RPS15A: variants seen among roughly 807,000 people sequenced by gnomAD.
RPS15A encodes ribosomal protein S15a.
For missense variants in RPS15A, 62 were observed against 163.4 expected, an observed-to-expected ratio of 0.38 and a Z score of 3.38; for synonymous variants, 55 against 58.5, an observed-to-expected ratio of 0.94 and a Z score of 0.27.
intron 4 of RPS15A, 118 bp from the exon 5 acceptor site, chr16:18,783,220 G>A (rs1903992409): frequency 1.5e-6 from 1 of 654,594 alleles, no homozygotes; most frequent in Non-Finnish European, 2.7e-6. Context: ...GGGCACATAG[G>A]AACTGACAGT....
chr16:18,782,247 G>A lies in RPS15A; in HGVS notation c.*762C>T, dbSNP rs1193467279. On this transcript the variant is annotated 3_prime_UTR_variant, in exon 5 of 5. Transcript: ENST00000322989. ...GGGAAGCGGAGGTGCAGTGAGCCAAGATCATGCCACTGCACTCCAGCCTGT... is the reference window on the plus strand; with the variant it reads ...GGGAAGCGGAGGTGCAGTGAGCCAAAATCATGCCACTGCACTCCAGCCTGT... 1.0e-5 allele frequency: 1 copy of A among 97,736 alleles called. No individual in the cohort carries two copies. 6.1% of individuals were successfully genotyped at this position (97,736 alleles called of 1,614,324 possible).
At chr16:18,785,515 A>G (rs530885017) in intron 3 of RPS15A, 7 of 152,318 alleles carry the variant, frequency 4.6e-5, no homozygotes, top group African/African-American at 1.7e-4. Context: ...ACTACTGAAG[A>G]AAGTCCACTA....
At chr16:18,784,427 G>A (rs563332799) in intron 4 of RPS15A, 3 of 223,644 alleles carry the variant, frequency 1.3e-5, no homozygotes, top group Non-Finnish European at 2.6e-5. Context: ...TTGTATTTTA[G>A]GTAGACACGG....
intron 2 of RPS15A, chr16:18,788,645 C>G (rs1394328440): frequency 4.7e-6 from 1 of 213,590 alleles, no homozygotes; most frequent in Non-Finnish European, 9.4e-6. Flanking sequence ...CCTGCCACCA[C>G]GACCGGCTGA....
At chr16:18,788,194 AAC>A (rs761957640) in intron 2 of RPS15A, 52 bp from the exon 3 acceptor site, 4 of 1,154,412 alleles carry the variant, frequency 3.5e-6, no homozygotes, top group Middle Eastern at 1.9e-4. Context: ...TTGAGAGCTA[AAC>A]CTCTGTGCTC....
In RPS15A at chr16:18,783,269, T is replaced by C. The variant is rs77830871; in HGVS notation, c.300-167A>G. On this transcript the variant is annotated intron_variant, in intron 4 of 4. Coordinates refer to ENST00000322989, the MANE Select transcript of RPS15A (RefSeq NM_001019.5). ...GGTGCCTCATGTAGCGTATGAGCCATGACTCCTGCAACCCAAAGAGCCAAA... is the reference window on the plus strand; with the variant it reads ...GGTGCCTCATGTAGCGTATGAGCCACGACTCCTGCAACCCAAAGAGCCAAA... The C allele has an allele frequency of 1.4e-4, 79 of 569,426 alleles. 1 individual carries two copies. Among genetic ancestry groups the C allele is most frequent in the African/African-American group, 9.6e-4 (51 of 53,320 alleles). The allele number at this position is 569,426 out of a possible 1,614,324, so 35.3% of individuals were successfully genotyped here.
chr16:18,782,705 G>C lies in RPS15A; in HGVS notation c.*304C>G. ...CCACTGCACTCCAGCCTGAGCAATAGAGTCAGACTCTGTCTCCAAAAAAGA... is the reference window on the plus strand; with the variant it reads ...CCACTGCACTCCAGCCTGAGCAATACAGTCAGACTCTGTCTCCAAAAAAGA... On this transcript the variant is annotated 3_prime_UTR_variant, in exon 5 of 5. Coordinates refer to ENST00000322989, the MANE Select transcript of RPS15A (RefSeq NM_001019.5). The C allele has an allele frequency of 4.8e-6, 1 of 208,652 alleles. No individual in the cohort carries two copies. The allele number at this position is 208,652 out of a possible 1,614,324, so 12.9% of individuals were successfully genotyped here.
intron 4 of RPS15A, chr16:18,783,851 G>T (rs1021608338): frequency 2.6e-6 from 1 of 380,476 alleles, no homozygotes; most frequent in African/African-American, 2.1e-5. Flanking sequence ...AAGATCTCAT[G>T]GCTTTAAAGC....
chr16:18,783,456 TTG>T (rs1375362773), intron 4 of RPS15A: 1 of 337,356 alleles, frequency 3.0e-6, no homozygotes, highest in Non-Finnish European at 5.8e-6. Context: ...TGAGTTTGAA[TTG>T]TGTTTCTGCC....
rs1903970969 is a variant in RPS15A at position 18,781,880 on chromosome 16, CA to C, written c.*1128del. On this transcript the variant is annotated 3_prime_UTR_variant, in exon 5 of 5. Transcript: ENST00000322989. ...CCACTTGGCACACCACCTAGCTAGC[CA>C]AGGGCAAAGCAGAGACTAGGGGACA... The C allele has an allele frequency of 6.7e-6, 1 of 148,994 alleles. No homozygotes were observed. The highest frequency in any genetic ancestry group is 2.5e-5 in the African/African-American group (1 of 40,406). 9.2% of individuals were successfully genotyped at this position (148,994 alleles called of 1,614,324 possible). A position where few individuals can be genotyped will look rare whatever the true frequency, so the allele number is the denominator to read the frequency against.
At chr16:18,784,433 C>G (rs2606563) in intron 4 of RPS15A, 92,313 of 235,148 alleles carry the variant, frequency 0.39, 18,995 homozygotes, top group Non-Finnish European at 0.44. Flanking sequence ...TTTAGGTAGA[C>G]ACGGGGTTCT....
intron 4 of RPS15A, chr16:18,783,792 G>A (rs1048423447): frequency 9.1e-6 from 4 of 439,900 alleles, no homozygotes; most frequent in African/African-American, 8.1e-5. Context: ...ATAAACAGAG[G>A]AACTATTACC....
intron 4 of RPS15A, 23 bp from the exon 5 acceptor site, chr16:18,783,125 G>A (rs761071835): frequency 4.9e-5 from 74 of 1,516,054 alleles, no homozygotes; most frequent in Non-Finnish European, 6.7e-5. Context: ...AAAAGAAAGT[G>A]CTGGTAAGTT....
At chr16:18,783,209 G>T in intron 4 of RPS15A, 107 bp from the exon 5 acceptor site, 1 of 690,618 alleles carries the variant, frequency 1.4e-6, no homozygotes. Context: ...GCTTTCCTGT[G>T]GGGCACATAG....
intron 1 of RPS15A, chr16:18,790,014 A>C (rs1028486553): frequency 1.3e-5 from 2 of 152,316 alleles, no homozygotes; most frequent in Non-Finnish European, 2.9e-5. Context: ...CTCAGCACTA[A>C]AGGGAGATCC....
intron 3 of RPS15A, among the ~76,000 whole-genome samples, chr16:18,787,018 C>A (rs2029898680): frequency 6.6e-6 from 1 of 152,220 alleles, no homozygotes; most frequent in South Asian, 2.1e-4. Context: ...GCGCCCGCCA[C>A]TGCGCCTGGC....
chr16:18,784,878 A>C, intron 3 of RPS15A, 55 bp from the exon 4 acceptor site: 1 of 1,357,592 alleles, frequency 7.4e-7, no homozygotes, highest in East Asian at 2.3e-5. Context: ...TAACAGAAAA[A>C]CTGAGTAACA....
chr16:18,788,531 CCAGGCTGGAGTG>C (rs2029943338), intron 2 of RPS15A: 2 of 191,750 alleles, frequency 1.0e-5, no homozygotes, highest in African/African-American at 4.7e-5. Flanking sequence ...GCACTGTCGC[CCAGGCTGGAGTG>C]CAGTGGCCGA....
rs1364654004 is a variant in RPS15A, at chr16:18,783,819, A to C, written c.300-717T>G. On this transcript the variant is annotated intron_variant, in intron 4 of 4. Transcript: ENST00000322989. The stretch of plus-strand genomic sequence containing the variant: ...ACTATTACCACTTTTACGGATGAAG[A>C]AATCAAGGCTGTGACTTGCCCAAGA... The C allele has an allele frequency of 9.6e-6, 4 of 414,876 alleles. No homozygotes were observed. The East Asian group carries it at 2.9e-4, about 30-fold the overall frequency. The allele number at this position is 414,876 out of a possible 1,614,324, so 25.7% of individuals were successfully genotyped here. A position where few individuals can be genotyped will look rare whatever the true frequency, so the allele number is the denominator to read the frequency against.
Sources: allele counts gnomAD v4.1 joint callset (sites outside exome capture counted in the v4.1 genomes callset), GRCh38; gene constraint gnomAD v4.1.1; transcripts MANE v1.5; gene names NCBI Gene and HGNC (gene_info 2026-07-23, HGNC 2026-07-21).